TERB2: variants seen among roughly 807,000 people sequenced by gnomAD.
TERB2 encodes telomere repeats-binding bouquet formation protein 2.
In TERB2, 26 loss-of-function variants were observed where a neutral mutation model predicts 29.8. That is an observed-to-expected ratio of 0.87 (90% CI 0.64 to 1.21). TERB2 has a LOEUF of 1.21. TERB2 is among the 50% of genes most tolerant of loss of function. The pLI, the probability that TERB2 is intolerant of heterozygous loss-of-function variation, is 0.00. For missense variants in TERB2, 240 were observed against 268.6 expected, an observed-to-expected ratio of 0.89 and a Z score of 0.74; for synonymous variants, 80 against 90.8, an observed-to-expected ratio of 0.88 and a Z score of 0.68.
chr15:44,968,972 C>G (rs780677038), intron 5 of TERB2, among the ~76,000 whole-genome samples: 6 of 151,972 alleles, frequency 3.9e-5, no homozygotes, highest in Admixed American at 3.9e-4. Context: ...CTGTGTCACC[C>G]AAGCTGCAGT....
chr15:44,964,290 A>G (rs1241023472), intron 4 of TERB2, among the ~76,000 whole-genome samples: 3 of 152,070 alleles, frequency 2.0e-5, no homozygotes, highest in Non-Finnish European at 4.4e-5. Context: ...TATTTCTGTC[A>G]TTAATTTGTT....
chr15:44,966,302 ATTGT>A, intron 5 of TERB2, 59 bp downstream of exon 5: 3 of 1,045,308 alleles, frequency 2.9e-6, no homozygotes, highest in Non-Finnish European at 3.9e-6. Flanking sequence ...GTGAGCACTG[ATTGT>A]GTGCTTATCT....
chr15:44,971,566 A>T (rs1379111396), intron 5 of TERB2, among the ~76,000 whole-genome samples: 6 of 152,046 alleles, frequency 3.9e-5, no homozygotes, highest in East Asian at 1.9e-4. Flanking sequence ...CCATCCTGGC[A>T]AACACAGTTA....
chr15:44,966,883 G>C (rs1595477179), intron 5 of TERB2, among the ~76,000 whole-genome samples: 1 of 152,118 alleles, frequency 6.6e-6, no homozygotes, highest in African/African-American at 2.4e-5. Flanking sequence ...ATGACTGCTT[G>C]AGCCTAGGAA....
Position 44,978,742 on chromosome 15 carries a change from T to A in TERB2, c.*114T>A. On this transcript the variant is annotated 3_prime_UTR_variant, in exon 7 of 7. Coordinates refer to ENST00000340827, the MANE Select transcript of TERB2 (RefSeq NM_152448.3). ...GGGATAGTGAAATGGGAAATAATTT[T>A]TCTGTTTCTCAAAGTATATCTTTAG... is the stretch of plus-strand genomic sequence containing the variant. 1 of 1,267,236 alleles carries A rather than the reference T, an allele frequency of 7.9e-7. No homozygotes were observed. Among genetic ancestry groups the A allele is most frequent in the Non-Finnish European group, 1.0e-6 (1 of 979,694 alleles). 78.5% of individuals were successfully genotyped at this position (1,267,236 alleles called of 1,614,324 possible).
chr15:44,958,113 G>T (rs1351448717), intron 2 of TERB2, among the ~76,000 whole-genome samples: 1 of 152,238 alleles, frequency 6.6e-6, no homozygotes, highest in East Asian at 1.9e-4. Context: ...GATGCCCAGT[G>T]AACACGACCG....
At chr15:44,967,326 A>C (rs1199847875) in intron 5 of TERB2, among the ~76,000 whole-genome samples, 4 of 152,244 alleles carry the variant, frequency 2.6e-5, no homozygotes, top group African/African-American at 7.2e-5. Context: ...AAGTGGAGGC[A>C]GGGGAATCCC....
chr15:44,962,641 CAAG>C (rs1312935781), intron 4 of TERB2, among the ~76,000 whole-genome samples: 3 of 152,102 alleles, frequency 2.0e-5, no homozygotes, highest in African/African-American at 4.8e-5. Context: ...TTAACCAAAA[CAAG>C]AAGAAGAAAA....
intron 6 of TERB2, among the ~76,000 whole-genome samples, chr15:44,975,013 C>T (rs1156700669): frequency 1.3e-5 from 2 of 152,000 alleles, no homozygotes. Context: ...TGTATTATTG[C>T]TGGATAAAGA....
chr15:44,977,363 TCTTATA>T (rs1485304233), intron 6 of TERB2, among the ~76,000 whole-genome samples: 2 of 152,216 alleles, frequency 1.3e-5, no homozygotes, highest in African/African-American at 2.4e-5. Flanking sequence ...GTCCTATCCT[TCTTATA>T]CTTATAGGAA....
chr15:44,962,750 A>G (rs1477884284), intron 4 of TERB2: 3 of 152,360 alleles, frequency 2.0e-5, no homozygotes, highest in East Asian at 3.9e-4. Context: ...TTTAAGTAAT[A>G]GCCAAATTTG....
At position 44,972,146 on chromosome 15, in the gene TERB2, C is replaced by T. The variant is rs559133052; in HGVS notation, c.435-1721C>T. On this transcript the variant is annotated intron_variant, in intron 5 of 6. Transcript: ENST00000340827. ...CTGGGATTACAGGCATGTGCCACCA[C>T]GCCTGGCTATTTTTTTGTATTTTTA... Among the ~76,000 whole-genome samples, 4 of 151,926 alleles carry T rather than the reference C, an allele frequency of 2.6e-5. No individual in the cohort carries two copies. In the South Asian group the frequency reaches 6.2e-4, roughly 24 times the overall value.
chr15:44,964,356 TA>T (rs1715401879), intron 4 of TERB2, among the ~76,000 whole-genome samples: 1 of 152,114 alleles, frequency 6.6e-6, no homozygotes, highest in Admixed American at 6.6e-5. Flanking sequence ...TTTTTTTTTC[TA>T]GGAGGTAATA....
intron 6 of TERB2, among the ~76,000 whole-genome samples, chr15:44,978,102 T>C (rs1892071696): frequency 6.6e-6 from 1 of 152,222 alleles, no homozygotes; most frequent in African/African-American, 2.4e-5. Flanking sequence ...ACAGGGAAGA[T>C]GAACTGTTTG....
chr15:44,966,309 G>A (rs1461205350), intron 5 of TERB2, 66 bp downstream of exon 5: 2 of 928,430 alleles, frequency 2.2e-6, no homozygotes. Context: ...CTGATTGTGT[G>A]CTTATCTCAT....
chr15:44,963,419 C>T (rs1891836810), intron 4 of TERB2, among the ~76,000 whole-genome samples: 1 of 152,052 alleles, frequency 6.6e-6, no homozygotes, highest in Non-Finnish European at 1.5e-5. Context: ...GACCATACCA[C>T]AAGACAATTA....
rs373706136 is a variant in TERB2, at chr15:44,977,098, A to AACACACACACACACAC, written c.524-1388_524-1373dup. ...GGGCAACAAAATAAGACCCTGTCAA[A>AACACACACACACACAC]ACACACACACACACACACCCCAGAA... On this transcript the variant is annotated intron_variant, in intron 6 of 6. Transcript: ENST00000340827. 3.1e-3 allele frequency among the ~76,000 whole-genome samples: 457 copies of AACACACACACACACAC among 148,846 alleles called. 4 individuals carry two copies. Among genetic ancestry groups the AACACACACACACACAC allele is most frequent in the Admixed American group, 7.6e-3 (113 of 14,946 alleles).
Position 44,978,776 on chromosome 15 carries a change from G to C in TERB2, c.*148G>C, listed in dbSNP as rs1892082479. 7 of 1,102,648 alleles carry C rather than the reference G, an allele frequency of 6.3e-6. No individual in the cohort carries two copies. The African/African-American group carries it at 1.1e-4, about 18-fold the overall frequency. The allele number at this position is 1,102,648 out of a possible 1,614,324, so 68.3% of individuals were successfully genotyped here. ...TCAAAGTATATCTTTAGGAAATACAGAATCATTTTGGTTCTGTGTTTTGAC... is the reference window on the plus strand; with the variant it reads ...TCAAAGTATATCTTTAGGAAATACACAATCATTTTGGTTCTGTGTTTTGAC... On this transcript the variant is annotated 3_prime_UTR_variant, in exon 7 of 7. Transcript: ENST00000340827.
chr15:44,969,797 CAAA>C lies in TERB2; in HGVS notation c.434+3568_434+3570del, dbSNP rs34634243. 1.7e-3 allele frequency among the ~76,000 whole-genome samples: 204 copies of C among 122,952 alleles called. 1 individual carries two copies. The highest frequency in any genetic ancestry group is 5.6e-3 in the African/African-American group (183 of 32,730). The allele number at this position is 122,952 out of a possible 152,430, so 80.7% of individuals were successfully genotyped here. A position where few individuals can be genotyped will look rare whatever the true frequency, so the allele number is the denominator to read the frequency against. On this transcript the variant is annotated intron_variant, in intron 5 of 6. Coordinates refer to ENST00000340827, the MANE Select transcript of TERB2 (RefSeq NM_152448.3). ...AAGGTGAAAGAGTGAGGCCATGTAT[CAAA>C]AAAAAAAAAAAAATTAGTAGCATAT... is the stretch of plus-strand genomic sequence containing the variant.
Sources: gnomAD v4.1 joint callset for allele counts (sites outside exome capture counted in the v4.1 genomes callset) on GRCh38, gnomAD v4.1.1 for gene constraint, MANE v1.5 for transcripts, NCBI Gene and HGNC (gene_info 2026-07-23, HGNC 2026-07-21) for gene names.